Variants in RAPH1 observed in about 807,000 individuals in gnomAD.
The protein encoded by RAPH1 is Ras association (RalGDS/AF-6) and pleckstrin homology domains 1, also known as ras-associated and pleckstrin homology domains-containing protein 1.
Under a neutral mutation model 88.1 loss-of-function variants are expected in RAPH1, and 18 were observed. The ratio of observed to expected loss-of-function variants is 0.20; its 90% CI spans 0.14 to 0.30. The LOEUF is 0.30. Ranked by LOEUF, RAPH1 falls within the 10% of genes least tolerant of loss-of-function variation. The pLI is 1.00. For missense variants in RAPH1, 1,448 were observed against 1,543.2 expected (o/e 0.94, Z 1.03); for synonymous variants, 587 against 559.0 (o/e 1.05, Z -0.71).
chr2:203,529,008 T>C (rs13012280), intron 1 of RAPH1, among the ~76,000 whole-genome samples: 1 of 91,942 alleles, frequency 1.1e-5, no homozygotes, highest in Non-Finnish European at 2.1e-5. Context: ...TATATATATT[T>C]TTTTTTTTTT....
chr2:203,514,577 C>T (rs1256733972), intron 1 of RAPH1, among the ~76,000 whole-genome samples: 6 of 151,964 alleles, frequency 3.9e-5, no homozygotes, highest in South Asian at 2.1e-4. Context: ...TTTTTTAAGA[C>T]GGAGTCTCGC....
chr2:203,441,250 G>A lies in RAPH1; in HGVS notation c.1940C>T (p.Pro647Leu). 1 of 1,408,072 alleles carries A rather than the reference G, an allele frequency of 7.1e-7. No homozygotes were observed. The highest frequency in any genetic ancestry group is 9.8e-7 in the Non-Finnish European group (1 of 1,024,586). 87.2% of individuals were successfully genotyped at this position (1,408,072 alleles called of 1,614,324 possible). ...PPPPPPPPPP[P>L]PLPSQSAPSA... ...AGGTGCAGACTGGCTGGGGAGTGGGGGAGGAGGGGGTGGTGGAGGGGGTGG... is the reference window on the plus strand; with the variant it reads ...AGGTGCAGACTGGCTGGGGAGTGGGAGAGGAGGGGGTGGTGGAGGGGGTGG... Residue 647 changes from proline (P) to leucine (L), a missense_variant, in exon 14 of 14, where the codon CCC becomes CTC. By Grantham distance (98) the Pro-to-Leu change is moderately conservative. This residue lies in a region of RAPH1 where 935 missense variants were observed against 890.1 expected (regional missense o/e 1.05). Transcript: ENST00000319170.
intron 1 of RAPH1, among the ~76,000 whole-genome samples, chr2:203,521,163 C>T (rs1270957096): frequency 6.6e-6 from 1 of 152,134 alleles, no homozygotes; most frequent in East Asian, 1.9e-4. Flanking sequence ...AAGTGATTCT[C>T]CTGCTTCAGC....
intron 1 of RAPH1, among the ~76,000 whole-genome samples, chr2:203,510,909 TA>T (rs900360863): frequency 2.8e-4 from 42 of 151,930 alleles, no homozygotes; most frequent in African/African-American, 9.9e-4. Flanking sequence ...AAAATAAATT[TA>T]AAAAAAGAGT....
chr2:203,498,836 T>C (rs1688620897), intron 1 of RAPH1, among the ~76,000 whole-genome samples: 1 of 152,238 alleles, frequency 6.6e-6, no homozygotes, highest in Admixed American at 6.5e-5. Context: ...ACTACAGTCA[T>C]GTGCTCATAA....
intron 1 of RAPH1, among the ~76,000 whole-genome samples, chr2:203,519,869 C>T (rs1435952780): frequency 6.6e-6 from 1 of 152,192 alleles, no homozygotes; most frequent in Non-Finnish European, 1.5e-5. Context: ...CAGTATCAAA[C>T]ACTCATACAG....
chr2:203,496,365 T>TAAAC (rs1688514865), intron 1 of RAPH1, among the ~76,000 whole-genome samples: 1 of 93,200 alleles, frequency 1.1e-5, no homozygotes, highest in Non-Finnish European at 2.3e-5. Context: ...TCTCAAAAAA[T>TAAAC]AAATAAATAA....
chr2:203,488,571 A>G (rs1266142664), intron 4 of RAPH1, among the ~76,000 whole-genome samples: 3 of 135,958 alleles, frequency 2.2e-5, no homozygotes, highest in Non-Finnish European at 4.7e-5. Context: ...TGGGCGACAG[A>G]ATGAGACTCC....
intron 4 of RAPH1, among the ~76,000 whole-genome samples, chr2:203,464,912 C>T (rs1396362510): frequency 6.6e-6 from 1 of 152,132 alleles, no homozygotes; most frequent in African/African-American, 2.4e-5. Context: ...CATTATTTGT[C>T]ATTAGGGAAT....
chr2:203,531,895 G>C (rs1357988852), intron 1 of RAPH1, among the ~76,000 whole-genome samples: 1 of 152,062 alleles, frequency 6.6e-6, no homozygotes, highest in Non-Finnish European at 1.5e-5. Flanking sequence ...TGGGTGTATA[G>C]AAATACTGAA....
At chr2:203,515,884 T>G (rs971090909) in intron 1 of RAPH1, among the ~76,000 whole-genome samples, 4 of 152,024 alleles carry the variant, frequency 2.6e-5, no homozygotes, top group African/African-American at 9.7e-5. Context: ...AAGAAGTACA[T>G]TAGAAATAAG....
chr2:203,461,355 A>G lies in RAPH1; in HGVS notation c.864T>C (p.Asp288=). The change falls in exon 6 of 14, where the codon GAT becomes GAC. Residue 288 remains aspartate (D), a synonymous_variant. Transcript: ENST00000319170. ...GTACTTGTCTTACTGTCTGCCTCTC[A>G]TCCACCATCATTGTTTTAGAACTGT... ...SDDSSKTMMV[D]ERQTVRQVLD... The G allele has an allele frequency of 1.9e-6, 3 of 1,610,712 alleles. No individual in the cohort carries two copies. Among genetic ancestry groups the G allele is most frequent in the Middle Eastern group, 1.7e-4 (1 of 6,048 alleles).
At chr2:203,487,332 AGCT>A (rs1688015791) in intron 4 of RAPH1, among the ~76,000 whole-genome samples, 1 of 152,188 alleles carries the variant, frequency 6.6e-6, no homozygotes, top group South Asian at 2.1e-4. Context: ...CATATTAAGT[AGCT>A]GGTGGCTAAA....
At chr2:203,451,989 T>C (rs2098515316) in intron 10 of RAPH1, among the ~76,000 whole-genome samples, 1 of 152,184 alleles carries the variant, frequency 6.6e-6, no homozygotes, top group South Asian at 2.1e-4. Flanking sequence ...CTGGCTGGAT[T>C]TTTCTGGGTC....
At chr2:203,482,017 A>AAC (rs61628735) in intron 4 of RAPH1, among the ~76,000 whole-genome samples, 285 of 151,434 alleles carry the variant, frequency 1.9e-3, no homozygotes, top group Non-Finnish European at 2.9e-3. Flanking sequence ...AGAAAAAAAA[A>AAC]ACACACACAC....
chr2:203,511,567 A>G (rs1689343090), intron 1 of RAPH1, among the ~76,000 whole-genome samples: 1 of 152,224 alleles, frequency 6.6e-6, no homozygotes, highest in African/African-American at 2.4e-5. Context: ...ACTAGTTTTA[A>G]CAAAGAATCT....
chr2:203,454,628 A>G (rs2098517755), intron 9 of RAPH1, 88 bp from the exon 10 acceptor site: 2 of 907,448 alleles, frequency 2.2e-6, no homozygotes, highest in Non-Finnish European at 3.4e-6. Context: ...GTGAGAATCA[A>G]AACTACTTTT....
intron 7 of RAPH1, among the ~76,000 whole-genome samples, chr2:203,458,728 C>A (rs773705359): frequency 6.6e-6 from 1 of 151,940 alleles, no homozygotes; most frequent in African/African-American, 2.4e-5. Context: ...GATGCAGAAC[C>A]CATGGATATA....
At chr2:203,485,846 A>C (rs987660270) in intron 4 of RAPH1, among the ~76,000 whole-genome samples, 12 of 152,160 alleles carry the variant, frequency 7.9e-5, no homozygotes, top group Admixed American at 2.0e-4. Flanking sequence ...CCTACAGTGC[A>C]TGGGACAGCC....
Sources: allele counts gnomAD v4.1 joint callset (sites outside exome capture counted in the v4.1 genomes callset), GRCh38; gene constraint gnomAD v4.1.1; regional missense constraint gnomAD v4.1.1; transcripts MANE v1.5; gene names NCBI Gene and HGNC (gene_info 2026-07-23, HGNC 2026-07-21).